Variants in AGAP1 observed in about 807,000 individuals in gnomAD.
AGAP1 encodes the protein ArfGAP with GTPase domain, ankyrin repeat and PH domain 1.
Under a neutral mutation model 105.3 loss-of-function variants are expected in AGAP1, and 29 were observed. That is an observed-to-expected ratio of 0.28 (90% confidence interval 0.21 to 0.38). The LOEUF (loss-of-function observed/expected upper bound fraction) is 0.38, where lower values mean the gene tolerates loss of function less well. Ranked by LOEUF, AGAP1 falls within the 10% of genes least tolerant of loss-of-function variation. The pLI is 1.00. For synonymous variants in AGAP1, 509 were observed against 485.9 expected (o/e 1.05, Z -0.63); for missense variants, 998 against 1,165.1 (o/e 0.86, Z 2.09).
chr2:235,604,441 C>G (rs1316614763), intron 1 of AGAP1, among the ~76,000 whole-genome samples: 1 of 149,766 alleles, frequency 6.7e-6, no homozygotes. Flanking sequence ...ACGATTGTGC[C>G]AGTGCACTTC....
rs961020759 is a variant in AGAP1, at chr2:235,964,238, G to A, written c.1484-4224G>A. 2.4e-4 allele frequency among the ~76,000 whole-genome samples: 36 copies of A among 152,296 alleles called. No homozygotes were observed. The highest frequency in any genetic ancestry group is 7.5e-4 in the African/African-American group (31 of 41,552). ...GGATGAACATGGCCTGTCGAAATGA[G>A]AGGACACCCAAGGGACAGAGTAAAA... On this transcript the variant is annotated intron_variant, in intron 12 of 17. Transcript: ENST00000304032. This position sits in a 1 kb window ranked among gnomAD's most constrained non-coding sequence, Gnocchi z 4.6.
At position 235,600,092 on chromosome 2, in the gene AGAP1, CCTTT is replaced by C. The variant is rs1399866316; in HGVS notation, c.163+105247_163+105250del. ...CAGGGAGCCCCTCTCTCCATCCCAG[CCTTT>C]CTTCCTCTCTCGTAACTGTTATTTA... is the stretch of plus-strand genomic sequence containing the variant. On this transcript the variant is annotated intron_variant, in intron 1 of 17. Transcript: ENST00000304032. The surrounding 1 kb of genome is among the most constrained non-coding windows in gnomAD (Gnocchi z 4.8). 6.6e-6 allele frequency among the ~76,000 whole-genome samples: 1 copy of C among 152,156 alleles called. No individual in the cohort carries two copies. The highest frequency in any genetic ancestry group is 1.5e-5 in the Non-Finnish European group (1 of 68,034).
chr2:235,774,100 T>C, intron 6 of AGAP1: 1 of 414,638 alleles, frequency 2.4e-6, no homozygotes, highest in Non-Finnish European at 4.9e-6. Flanking sequence ...GCCTTGCAAT[T>C]AAATATCCAG....
At chr2:235,694,611 G>C (rs1252516580) in intron 1 of AGAP1, among the ~76,000 whole-genome samples, 1 of 151,740 alleles carries the variant, frequency 6.6e-6, no homozygotes, top group Non-Finnish European at 1.5e-5. Context: ...TCGCGCCACT[G>C]CACTCCAGCC....
chr2:235,691,913 A>G lies in AGAP1; in HGVS notation c.164-17266A>G, dbSNP rs1016565170. 2.6e-5 allele frequency among the ~76,000 whole-genome samples: 4 copies of G among 152,218 alleles called. No individual in the cohort carries two copies. Among genetic ancestry groups the G allele is most frequent in the African/African-American group, 9.7e-5 (4 of 41,448 alleles). On this transcript the variant is annotated intron_variant, in intron 1 of 17. Coordinates refer to ENST00000304032, the MANE Select transcript of AGAP1 (RefSeq NM_001037131.3). The surrounding 1 kb of genome is among the most constrained non-coding windows in gnomAD (Gnocchi z 4.4). ...GCAGGGATGCAAAATCGGAGTTCCT[A>G]GTAGAAACAGACATGCAGCATATTG...
chr2:235,845,945 A>G lies in AGAP1; in HGVS notation c.1051-37400A>G, dbSNP rs1961437990. ...AGAGTGGCCCCTCCACTCACCCTTC[A>G]GCTGCAGCCACAGGGTTGAAATCTT... On this transcript the variant is annotated intron_variant, in intron 9 of 17. Coordinates refer to ENST00000304032, the MANE Select transcript of AGAP1 (RefSeq NM_001037131.3). The surrounding 1 kb of genome is among the most constrained non-coding windows in gnomAD (Gnocchi z 4.8). 1.3e-5 allele frequency among the ~76,000 whole-genome samples: 2 copies of G among 151,874 alleles called. No individual in the cohort carries two copies. The highest frequency in any genetic ancestry group is 4.2e-4 in the South Asian group (2 of 4,804).
rs931345115 is a variant in AGAP1, at chr2:235,787,238, A to G, written c.674-10521A>G. The stretch of plus-strand genomic sequence containing the variant: ...TGCTTCCAAACCATGTGGGTTTCCT[A>G]TGTCATGAAAGCTTTTCTTCATCAC... On this transcript the variant is annotated intron_variant, in intron 6 of 17. Transcript: ENST00000304032. This position sits in a 1 kb window ranked among gnomAD's most constrained non-coding sequence, Gnocchi z 4.4. 7.9e-5 allele frequency among the ~76,000 whole-genome samples: 12 copies of G among 152,168 alleles called. No homozygotes were observed. The highest frequency in any genetic ancestry group is 2.1e-4 in the South Asian group (1 of 4,828).
intron 9 of AGAP1, among the ~76,000 whole-genome samples, chr2:235,854,485 A>T (rs1037005277): frequency 6.6e-6 from 1 of 152,160 alleles, no homozygotes; most frequent in Non-Finnish European, 1.5e-5. Flanking sequence ...TTCATCACAG[A>T]GGTGGGGGAG....
At position 235,694,478 on chromosome 2, in the gene AGAP1, C is replaced by CAA. The variant is rs1055692749; in HGVS notation, c.164-14682_164-14681dup. On this transcript the variant is annotated intron_variant, in intron 1 of 17. Transcript: ENST00000304032. Reference sequence around the variant, plus strand: ...TGGGCGACAGAGCGAGACTCTGTCTCAAAAAAAAAAAAAAAAAAAATTAGC... The same window carrying CAA: ...TGGGCGACAGAGCGAGACTCTGTCTCAAAAAAAAAAAAAAAAAAAAAATTAGC... Among the ~76,000 whole-genome samples the CAA allele has an allele frequency of 7.7e-3, 567 of 73,636 alleles. 5 individuals are homozygous for CAA. Among genetic ancestry groups the CAA allele is most frequent in the African/African-American group, 0.024 (488 of 20,352 alleles). The allele number at this position is 73,636 out of a possible 152,430, so 48.3% of individuals were successfully genotyped here.
Position 235,566,205 on chromosome 2 carries a change from C to T in AGAP1, c.163+71356C>T, listed in dbSNP as rs1944341548. The stretch of plus-strand genomic sequence containing the variant: ...CTCCCGGATTCAAGTGATTCTGCTC[C>T]CTCAGCCTCCCAAGTAGCTGGGATT... On this transcript the variant is annotated intron_variant, in intron 1 of 17. Transcript: ENST00000304032. The surrounding 1 kb of genome is among the most constrained non-coding windows in gnomAD (Gnocchi z 5.2). 6.6e-6 allele frequency among the ~76,000 whole-genome samples: 1 copy of T among 152,064 alleles called. No individual in the cohort carries two copies. Among genetic ancestry groups the T allele is most frequent in the Non-Finnish European group, 1.5e-5 (1 of 68,008 alleles).
chr2:236,028,243 A>G (rs916686239), intron 13 of AGAP1, among the ~76,000 whole-genome samples: 8 of 152,078 alleles, frequency 5.3e-5, no homozygotes, highest in African/African-American at 1.7e-4. Flanking sequence ...TTGGTGTTTC[A>G]TGGTAATTAG....
chr2:235,766,907 ATTTTT>A (rs71036292), intron 6 of AGAP1, among the ~76,000 whole-genome samples: 52 of 109,922 alleles, frequency 4.7e-4, no homozygotes, highest in African/African-American at 1.3e-3. Context: ...ACACCGGCTA[ATTTTT>A]TTTTTTTTTT....
intron 6 of AGAP1, among the ~76,000 whole-genome samples, chr2:235,767,649 G>A (rs923060374): frequency 6.6e-6 from 1 of 152,136 alleles, no homozygotes; most frequent in Non-Finnish European, 1.5e-5. Flanking sequence ...TCTGCAGGCA[G>A]TAGGACCTTT....
At position 235,904,525 on chromosome 2, in the gene AGAP1, A is replaced by T. The variant is rs1008154157; in HGVS notation, c.1156-4213A>T. ...AAGTACTTGGCTTTGAATTACCCTCACGCCTTGTTAAAGGGTTTTTCCTCT... is the reference window on the plus strand; with the variant it reads ...AAGTACTTGGCTTTGAATTACCCTCTCGCCTTGTTAAAGGGTTTTTCCTCT... On this transcript the variant is annotated intron_variant, in intron 10 of 17. Transcript: ENST00000304032. This position sits in a 1 kb window ranked among gnomAD's most constrained non-coding sequence, Gnocchi z 4.2. 4.6e-5 allele frequency among the ~76,000 whole-genome samples: 7 copies of T among 152,170 alleles called. No homozygotes were observed. Among genetic ancestry groups the T allele is most frequent in the Admixed American group, 1.3e-4 (2 of 15,270 alleles).
At chr2:235,563,525 C>T (rs1253064508) in intron 1 of AGAP1, among the ~76,000 whole-genome samples, 4 of 142,662 alleles carry the variant, frequency 2.8e-5, no homozygotes, top group Non-Finnish European at 5.9e-5. Context: ...ACACACTGGG[C>T]TATTTTTACA....
intron 6 of AGAP1, among the ~76,000 whole-genome samples, chr2:235,785,818 C>T (rs1559485792): frequency 1.3e-5 from 2 of 152,194 alleles, no homozygotes; most frequent in Admixed American, 6.5e-5. Flanking sequence ...TTTGATACCA[C>T]CATGTTTATC....
At chr2:235,703,670 C>T (rs1037061312) in intron 1 of AGAP1, among the ~76,000 whole-genome samples, 8 of 151,746 alleles carry the variant, frequency 5.3e-5, no homozygotes, top group Admixed American at 2.0e-4. Flanking sequence ...ACAATCTCGG[C>T]TTACCACAAC....
intron 9 of AGAP1, among the ~76,000 whole-genome samples, chr2:235,847,595 A>G (rs907548879): frequency 6.6e-6 from 1 of 152,374 alleles, no homozygotes; most frequent in African/African-American, 2.4e-5. Context: ...ATTTTATCAA[A>G]TAAGAAACAT....
In AGAP1 at chr2:235,601,844, C is replaced by T. The variant is rs867878106; in HGVS notation, c.163+106995C>T. ...CCCAGCAGGCCCTGTTTTTCTGGTACAGTCACACTGGAGGTTCAACACAAT... is the reference window on the plus strand; with the variant it reads ...CCCAGCAGGCCCTGTTTTTCTGGTATAGTCACACTGGAGGTTCAACACAAT... On this transcript the variant is annotated intron_variant, in intron 1 of 17. Transcript: ENST00000304032. This position sits in a 1 kb window ranked among gnomAD's most constrained non-coding sequence, Gnocchi z 4.4. Among the ~76,000 whole-genome samples, 2 of 152,178 alleles carry T rather than the reference C, an allele frequency of 1.3e-5. No homozygotes were observed. The highest frequency in any genetic ancestry group is 2.9e-5 in the Non-Finnish European group (2 of 68,024).
Sources: gnomAD v4.1 joint callset for allele counts (sites outside exome capture counted in the v4.1 genomes callset) on GRCh38, gnomAD v4.1.1 for gene constraint, Gnocchi (gnomAD v3.1) non-coding constraint, MANE v1.5 for transcripts, NCBI Gene and HGNC (gene_info 2026-07-23, HGNC 2026-07-21) for gene names.